GAS7: variants seen among roughly 807,000 people sequenced by gnomAD.
The protein encoded by GAS7 is growth arrest specific 7.
A neutral mutation model predicts 71.1 loss-of-function variants in GAS7; 28 were observed. The ratio of observed to expected loss-of-function variants is 0.39; its 90% CI spans 0.29 to 0.54. The LOEUF is 0.54. Ranked by LOEUF, GAS7 falls within the 20% of genes least tolerant of loss-of-function variation. The probability of loss-of-function intolerance (pLI) is 0.62; values close to 1 mark genes in which losing one functional copy is unlikely to be tolerated. For synonymous variants in GAS7, 258 were observed against 245.8 expected, an observed-to-expected ratio of 1.05 and a Z score of -0.46; for missense variants, 436 against 627.8, an observed-to-expected ratio of 0.69 and a Z score of 3.27.
chr17:10,184,979 T>G (rs2074441676), intron 1 of GAS7, among the ~76,000 whole-genome samples: 1 of 147,812 alleles, frequency 6.8e-6, no homozygotes, highest in African/African-American at 2.5e-5. Context: ...CAGGCTGGAG[T>G]GCAGTGGTGT....
chr17:10,009,546 T>C (rs895903443), intron 2 of GAS7, among the ~76,000 whole-genome samples: 5 of 151,668 alleles, frequency 3.3e-5, no homozygotes, highest in Admixed American at 6.6e-5. Flanking sequence ...TATAAATCTA[T>C]AGAGCTTAAA....
chr17:10,102,487 G>C (rs1489436833), intron 1 of GAS7, among the ~76,000 whole-genome samples: 2 of 152,160 alleles, frequency 1.3e-5, no homozygotes, highest in Non-Finnish European at 2.9e-5. Context: ...TGGGCAGCTA[G>C]AATGGCCTCC....
intron 1 of GAS7, among the ~76,000 whole-genome samples, chr17:10,108,554 T>A (rs193099728): frequency 1.3e-5 from 2 of 152,230 alleles, no homozygotes; most frequent in Non-Finnish European, 2.9e-5. Flanking sequence ...TTTTGGAGGA[T>A]CTGTCTTTGT....
chr17:10,011,086 C>T (rs1332050788), intron 2 of GAS7, among the ~76,000 whole-genome samples: 1 of 152,200 alleles, frequency 6.6e-6, no homozygotes, highest in African/African-American at 2.4e-5. Flanking sequence ...CTCTGCAACC[C>T]ACTTTTATGA....
At chr17:10,138,624 A>T (rs2074058125) in intron 1 of GAS7, among the ~76,000 whole-genome samples, 2 of 152,012 alleles carry the variant, frequency 1.3e-5, no homozygotes. Context: ...AAAATTAGCC[A>T]GGCATGGTGG....
At chr17:10,147,009 C>A (rs1202745800) in intron 1 of GAS7, among the ~76,000 whole-genome samples, 1 of 149,936 alleles carries the variant, frequency 6.7e-6, no homozygotes, top group African/African-American at 2.4e-5. Context: ...AAAATTCCTT[C>A]ATTTAGGACC....
intron 1 of GAS7, among the ~76,000 whole-genome samples, chr17:10,035,144 T>C (rs562550628): frequency 8.4e-6 from 1 of 118,810 alleles, no homozygotes; most frequent in South Asian, 2.4e-4. Flanking sequence ...TTCAGTGTTC[T>C]TCTTCTCTGC....
At chr17:10,048,502 T>C (rs150438462) in intron 1 of GAS7, among the ~76,000 whole-genome samples, 51 of 152,296 alleles carry the variant, frequency 3.3e-4, no homozygotes, top group Non-Finnish European at 2.9e-4. Flanking sequence ...TCACGGTGCA[T>C]ACAGGGCCTG....
intron 2 of GAS7, among the ~76,000 whole-genome samples, chr17:10,001,208 T>G (rs564616107): frequency 1.3e-5 from 2 of 151,902 alleles, no homozygotes; most frequent in South Asian, 4.2e-4. Flanking sequence ...CTGAGAAAGA[T>G]CAAGAGAAAC....
At chr17:10,141,216 G>A (rs775278685) in intron 1 of GAS7, among the ~76,000 whole-genome samples, 110 of 152,318 alleles carry the variant, frequency 7.2e-4, no homozygotes, top group Non-Finnish European at 7.4e-4. Flanking sequence ...TTGAGAGGCC[G>A]AGGCAGGAGG....
chr17:9,952,932 T>C (rs2069079343), intron 5 of GAS7, among the ~76,000 whole-genome samples: 1 of 152,018 alleles, frequency 6.6e-6, no homozygotes, highest in Non-Finnish European at 1.5e-5. Flanking sequence ...TGGAAAGCAA[T>C]GTGGTGATTC....
chr17:9,930,498 C>A (rs548026824), intron 9 of GAS7, among the ~76,000 whole-genome samples: 1 of 152,356 alleles, frequency 6.6e-6, no homozygotes, highest in East Asian at 1.9e-4. Context: ...ATGAGATTTT[C>A]TATCAGCAGA....
intron 3 of GAS7, among the ~76,000 whole-genome samples, chr17:9,979,435 C>T (rs1180727884): frequency 2.6e-5 from 4 of 152,094 alleles, no homozygotes; most frequent in South Asian, 2.1e-4. Context: ...CACAGTGCAG[C>T]GCTGGACAGA....
At chr17:10,153,531 A>T (rs1439546535) in intron 1 of GAS7, among the ~76,000 whole-genome samples, 5 of 152,020 alleles carry the variant, frequency 3.3e-5, no homozygotes, top group Non-Finnish European at 7.4e-5. Context: ...AAAAAAAAAA[A>T]AAAAAGAAAT....
chr17:10,159,786 C>CTTTTTT (rs71139021), intron 1 of GAS7, among the ~76,000 whole-genome samples: 2 of 134,532 alleles, frequency 1.5e-5, no homozygotes, highest in African/African-American at 5.6e-5. Context: ...GAAGTGTGAC[C>CTTTTTT]TTTTTTTTTT....
At chr17:10,075,005 G>A (rs1370895018) in intron 1 of GAS7, among the ~76,000 whole-genome samples, 2 of 150,678 alleles carry the variant, frequency 1.3e-5, no homozygotes, top group South Asian at 4.2e-4. Context: ...GACAAAACTC[G>A]ACACTCATTT....
At chr17:10,171,031 C>T (rs17761267) in intron 1 of GAS7, among the ~76,000 whole-genome samples, 37,738 of 152,130 alleles carry the variant, frequency 0.25, 4,814 homozygotes, top group Middle Eastern at 0.3. Flanking sequence ...GGCAAAAGTC[C>T]TCCTAACTCC....
intron 1 of GAS7, among the ~76,000 whole-genome samples, chr17:10,042,292 CAAAAA>C (rs58391348): frequency 0.017 from 1,611 of 95,562 alleles, 25 homozygotes; most frequent in African/African-American, 0.046. Flanking sequence ...GAGACTCCGT[CAAAAA>C]AAAAAAAAAA....
At chr17:10,158,302 C>T (rs1347143481) in intron 1 of GAS7, among the ~76,000 whole-genome samples, 4 of 149,244 alleles carry the variant, frequency 2.7e-5, no homozygotes, top group Admixed American at 1.3e-4. Flanking sequence ...CGTGAGCCAC[C>T]GCACCCGGCC....
Sources: allele counts gnomAD v4.1 joint callset (sites outside exome capture counted in the v4.1 genomes callset), GRCh38; gene constraint gnomAD v4.1.1; transcripts MANE v1.5; gene names NCBI Gene and HGNC (gene_info 2026-07-23, HGNC 2026-07-21).